Variants in RNF115 observed in about 807,000 individuals in gnomAD.
RNF115 encodes ring finger protein 115.
Under a neutral mutation model 39.2 loss-of-function variants are expected in RNF115, and 31 were observed. That is an observed-to-expected ratio of 0.79 (90% confidence interval 0.59 to 1.07). The LOEUF is 1.07. Among genes scored for constraint, RNF115 ranks in the 50% least tolerant of loss-of-function variants. The pLI is 0.00. For synonymous variants in RNF115, 124 were observed against 131.0 expected, an observed-to-expected ratio of 0.95 and a Z score of 0.37; for missense variants, 384 against 381.7, an observed-to-expected ratio of 1.01 and a Z score of -0.05.
At position 145,738,973 on chromosome 1, in the gene RNF115, G is replaced by C. The variant is rs587734794; in HGVS notation, c.*7893C>G. The C allele has an allele frequency of 5.6e-4, 87 of 154,432 alleles. 2 individuals carry two copies. Among genetic ancestry groups the C allele is most frequent in the Non-Finnish European group, 1.1e-3 (77 of 68,736 alleles). 9.6% of individuals were successfully genotyped at this position (154,432 alleles called of 1,614,324 possible). A position where few individuals can be genotyped will look rare whatever the true frequency, so the allele number is the denominator to read the frequency against. On this transcript the variant is annotated 3_prime_UTR_variant, in exon 9 of 9. Transcript: ENST00000582693. ...GACAGCCAGATCCAGTGATTGACTT[G>C]GCATGAAAATGAGAAAATGCAGACA...
At chr1:145,811,355 C>CAA (rs71829191) in intron 1 of RNF115, among the ~76,000 whole-genome samples, 116 of 60,324 alleles carry the variant, frequency 1.9e-3, no homozygotes, top group African/African-American at 8.4e-3. Flanking sequence ...CCATCACTAC[C>CAA]AAAAAAAAAA....
chr1:145,748,758 G>T (rs761857688), intron 7 of RNF115, among the ~76,000 whole-genome samples: 2 of 151,880 alleles, frequency 1.3e-5, no homozygotes, highest in South Asian at 2.1e-4. Flanking sequence ...GATGGTGAGC[G>T]CCTGTAAACC....
At chr1:145,754,062 T>A (rs1376585793) in intron 4 of RNF115, among the ~76,000 whole-genome samples, 1 of 152,172 alleles carries the variant, frequency 6.6e-6, no homozygotes, top group African/African-American at 2.4e-5. Flanking sequence ...GGCCAATTAA[T>A]ATAACAATGG....
rs1657618311 is a variant in RNF115, at chr1:145,739,240, G to C, written c.*7626C>G. ...ACCTCTTGTCATAGTTAAGCAGAGA[G>C]TGGGCAGGATATTCCTGATAGGAGG... On this transcript the variant is annotated 3_prime_UTR_variant, in exon 9 of 9. Transcript: ENST00000582693. 6.6e-6 allele frequency: 1 copy of C among 152,258 alleles called. No individual in the cohort carries two copies. The allele number at this position is 152,258 out of a possible 1,614,324, so 9.4% of individuals were successfully genotyped here. A position where few individuals can be genotyped will look rare whatever the true frequency, so the allele number is the denominator to read the frequency against.
chr1:145,750,610 C>T (rs934390434), intron 6 of RNF115, 110 bp from the exon 7 acceptor site: 2 of 763,954 alleles, frequency 2.6e-6, no homozygotes, highest in Non-Finnish European at 4.3e-6. Flanking sequence ...ATGTTAGTTA[C>T]TCTTACTTCT....
rs1384820100 is a variant in RNF115 at position 145,809,159 on chromosome 1, C to T, written c.102+14613G>A. Among the ~76,000 whole-genome samples the T allele has an allele frequency of 3.3e-5, 5 of 150,408 alleles. No homozygotes were observed. In the East Asian group the frequency reaches 9.8e-4, roughly 30 times the overall value. ...AGCCAACCCTTTAGTCATTAGTCTACAGGTCTGTGCTTTGTTTTCAAGGAT... is the reference window on the plus strand; with the variant it reads ...AGCCAACCCTTTAGTCATTAGTCTATAGGTCTGTGCTTTGTTTTCAAGGAT... On this transcript the variant is annotated intron_variant, in intron 1 of 8. Transcript: ENST00000582693.
rs1219971145 is a variant in RNF115 at position 145,745,312 on chromosome 1, G to A, written c.*1554C>T. The A allele has an allele frequency of 1.3e-5, 2 of 152,218 alleles. No homozygotes were observed. Among genetic ancestry groups the A allele is most frequent in the African/African-American group, 4.8e-5 (2 of 41,420 alleles). 9.4% of individuals were successfully genotyped at this position (152,218 alleles called of 1,614,324 possible). On this transcript the variant is annotated 3_prime_UTR_variant, in exon 9 of 9. Transcript: ENST00000582693. ...AATACAAAAATTACCCAGGCATGGT[G>A]GCACACGCCTGTAGTCCCAGCCACT...
chr1:145,774,345 T>C, intron 3 of RNF115, among the ~76,000 whole-genome samples: 1 of 151,906 alleles, frequency 6.6e-6, no homozygotes, highest in Middle Eastern at 3.2e-3. Flanking sequence ...ATTTCTTTCT[T>C]TTTTTTTCTT....
At chr1:145,816,771 CCT>C (rs1399125905) in intron 1 of RNF115, among the ~76,000 whole-genome samples, 1 of 145,536 alleles carries the variant, frequency 6.9e-6, no homozygotes, top group Admixed American at 6.9e-5. Context: ...TCCTCTCTCC[CCT>C]CTCTCTTCTC....
At chr1:145,785,512 A>C (rs1648339926) in intron 2 of RNF115, among the ~76,000 whole-genome samples, 1 of 152,206 alleles carries the variant, frequency 6.6e-6, no homozygotes, top group Non-Finnish European at 1.5e-5. Flanking sequence ...ATTTGCAAAG[A>C]ACAAAGAAAA....
chr1:145,801,286 T>C (rs1447622589), intron 1 of RNF115, among the ~76,000 whole-genome samples: 6 of 152,198 alleles, frequency 3.9e-5, no homozygotes, highest in Non-Finnish European at 5.9e-5. Flanking sequence ...ACTATGCTTT[T>C]AGGCCAGGCA....
In RNF115 at chr1:145,739,818, G is replaced by A. The variant is rs1213425898; in HGVS notation, c.*7048C>T. The A allele has an allele frequency of 6.6e-6, 1 of 152,208 alleles. No homozygotes were observed. Among genetic ancestry groups the A allele is most frequent in the African/African-American group, 2.4e-5 (1 of 41,432 alleles). 9.4% of individuals were successfully genotyped at this position (152,208 alleles called of 1,614,324 possible). On this transcript the variant is annotated 3_prime_UTR_variant, in exon 9 of 9. Coordinates refer to ENST00000582693, the MANE Select transcript of RNF115 (RefSeq NM_014455.4). Reference sequence around the variant, plus strand: ...TGGTCTCAAACTCCTGACCTCAAGTGATCCACCCGCCTCAGCCTCCCAAAG... The same window carrying A: ...TGGTCTCAAACTCCTGACCTCAAGTAATCCACCCGCCTCAGCCTCCCAAAG...
intron 1 of RNF115, among the ~76,000 whole-genome samples, chr1:145,803,433 A>G (rs991919003): frequency 9.2e-5 from 14 of 152,348 alleles, no homozygotes; most frequent in Middle Eastern, 3.4e-3. Flanking sequence ...TCTGTTGCCC[A>G]GGCTGGAATG....
intron 2 of RNF115, chr1:145,788,659 A>C (rs1362326446): frequency 8.1e-6 from 5 of 619,010 alleles, no homozygotes; most frequent in East Asian, 3.3e-5. Context: ...TGCCACATAC[A>C]ATCAGGAGCA....
intron 2 of RNF115, 107 bp downstream of exon 2, chr1:145,788,801 C>A (rs1553718505): frequency 1.2e-6 from 1 of 825,790 alleles, no homozygotes; most frequent in Non-Finnish European, 2.1e-6. Context: ...CTCTCGCTCT[C>A]TCTGTAGAGT....
At chr1:145,754,944 T>C (rs1422702088) in intron 4 of RNF115, among the ~76,000 whole-genome samples, 1 of 151,208 alleles carries the variant, frequency 6.6e-6, no homozygotes, top group South Asian at 2.1e-4. Context: ...CAAGACAAGG[T>C]AAAAAAAAGT....
rs57242475 is a variant in RNF115, at chr1:145,794,502, C to CTTTTTTT, written c.103-5543_103-5537dup. 2.1e-3 allele frequency among the ~76,000 whole-genome samples: 167 copies of CTTTTTTT among 81,110 alleles called. 1 individual carries two copies. Among genetic ancestry groups the CTTTTTTT allele is most frequent in the African/African-American group, 2.5e-3 (49 of 19,378 alleles). The allele number at this position is 81,110 out of a possible 152,430, so 53.2% of individuals were successfully genotyped here. On this transcript the variant is annotated intron_variant, in intron 1 of 8. Coordinates refer to ENST00000582693, the MANE Select transcript of RNF115 (RefSeq NM_014455.4). ...ATGGCAAGGGGCATCTAATCTCTTT[C>CTTTTTTT]TTTTTTTTTTTTTTTTTTTTTTTTT... is the stretch of plus-strand genomic sequence containing the variant.
At chr1:145,811,337 G>A (rs1410387364) in intron 1 of RNF115, among the ~76,000 whole-genome samples, 1 of 132,360 alleles carries the variant, frequency 7.6e-6, no homozygotes, top group Middle Eastern at 4.4e-3. Context: ...GGGCAACTAA[G>A]TGAGACCCCA....
At chr1:145,758,258 A>G (rs587651990) in intron 4 of RNF115, among the ~76,000 whole-genome samples, 4 of 152,284 alleles carry the variant, frequency 2.6e-5, no homozygotes, top group African/African-American at 9.6e-5. Flanking sequence ...AAGAGAAGCT[A>G]GCTGCCAAGT....
Sources: allele counts gnomAD v4.1 joint callset (sites outside exome capture counted in the v4.1 genomes callset), GRCh38; gene constraint gnomAD v4.1.1; transcripts MANE v1.5; gene names NCBI Gene and HGNC (gene_info 2026-07-23, HGNC 2026-07-21).